Variants in COL6A6 observed in about 807,000 individuals in gnomAD.
COL6A6 encodes collagen alpha-6(VI) chain.
Under a neutral mutation model 208.6 loss-of-function variants are expected in COL6A6, and 183 were observed. The ratio of observed to expected loss-of-function variants is 0.88; its 90% confidence interval spans 0.78 to 0.99. COL6A6 has a LOEUF of 0.99. Among genes scored for constraint, COL6A6 ranks in the 50% least tolerant of loss-of-function variants. The probability of loss-of-function intolerance (pLI) is 0.00; values close to 1 mark genes in which losing one functional copy is unlikely to be tolerated. For missense variants in COL6A6, 2,816 were observed against 2,815.2 expected, an observed-to-expected ratio of 1.00 and a Z score of -0.01; for synonymous variants, 973 against 1,011.8, an observed-to-expected ratio of 0.96 and a Z score of 0.73.
At chr3:130,563,872 A>G (rs1388588122) in intron 3 of COL6A6, among the ~76,000 whole-genome samples, 1 of 152,188 alleles carries the variant, frequency 6.6e-6, no homozygotes, top group East Asian at 1.9e-4. Context: ...TGTTTCACTT[A>G]TCTGTGTTGC....
chr3:130,546,837 C>G (rs575980824), intron 1 of COL6A6, among the ~76,000 whole-genome samples: 1 of 152,184 alleles, frequency 6.6e-6, no homozygotes, highest in South Asian at 2.1e-4. Context: ...TAGCTAGACA[C>G]AAAAGTTCTT....
intron 5 of COL6A6, 93 bp downstream of exon 5, chr3:130,567,355 A>C: frequency 1.0e-6 from 1 of 973,906 alleles, no homozygotes; most frequent in Non-Finnish European, 1.5e-6. Context: ...AACAACATAA[A>C]TTACTAAGTT....
chr3:130,547,468 G>A (rs1009401141), intron 1 of COL6A6, among the ~76,000 whole-genome samples: 4 of 152,224 alleles, frequency 2.6e-5, no homozygotes, highest in Admixed American at 1.3e-4. Context: ...TGCAAGCAGA[G>A]GGAGCCGGCT....
intron 8 of COL6A6, among the ~76,000 whole-genome samples, chr3:130,578,432 G>A (rs552109661): frequency 2.6e-5 from 4 of 152,270 alleles, no homozygotes; most frequent in East Asian, 3.9e-4. Flanking sequence ...TGCAGTCCCA[G>A]GGAAGCAAGA....
chr3:130,526,934 A>G (rs2061973617), intron 1 of COL6A6, among the ~76,000 whole-genome samples: 2 of 152,230 alleles, frequency 1.3e-5, no homozygotes, highest in Non-Finnish European at 2.9e-5. Context: ...GGATAAATAC[A>G]TAAACTAAAA....
intron 5 of COL6A6, 92 bp downstream of exon 5, chr3:130,567,354 A>T: frequency 1.0e-6 from 1 of 986,958 alleles, no homozygotes; most frequent in Non-Finnish European, 1.5e-6. Flanking sequence ...AAACAACATA[A>T]ATTACTAAGT....
chr3:130,622,203 A>ACCC lies in COL6A6; in HGVS notation c.4878+326_4878+328dup, dbSNP rs767379161. On this transcript the variant is annotated intron_variant, in intron 24 of 36. Transcript: ENST00000358511. ...CTCTCTTAATTTCCTCCCCCCGCCT[A>ACCC]CCCCCCCCTTTTTTTTTTTCCTTTC... Among the ~76,000 whole-genome samples the ACCC allele has an allele frequency of 1.1e-3, 62 of 54,304 alleles. 1 individual carries two copies. Among genetic ancestry groups the ACCC allele is most frequent in the African/African-American group, 3.0e-3 (43 of 14,370 alleles). The allele number at this position is 54,304 out of a possible 152,430, so 35.6% of individuals were successfully genotyped here.
chr3:130,589,758 T>A (rs1355268502), intron 12 of COL6A6, among the ~76,000 whole-genome samples: 1 of 152,234 alleles, frequency 6.6e-6, no homozygotes, highest in Non-Finnish European at 1.5e-5. Context: ...AAAAAGTATA[T>A]GTACCCTTAT....
chr3:130,642,917 T>C (rs768664235), intron 30 of COL6A6, 50 bp downstream of exon 30: 1 of 1,613,170 alleles, frequency 6.2e-7, no homozygotes, highest in Non-Finnish European at 8.5e-7. Flanking sequence ...CCATTCAATT[T>C]ACTTATTTTT....
At chr3:130,553,103 G>A (rs1384749314) in intron 1 of COL6A6, among the ~76,000 whole-genome samples, 1 of 152,070 alleles carries the variant, frequency 6.6e-6, no homozygotes, top group Non-Finnish European at 1.5e-5. Context: ...TGACCTGGGA[G>A]GATCTGATGA....
chr3:130,626,382 G>A, intron 24 of COL6A6, 103 bp from the exon 25 acceptor site: 1 of 862,868 alleles, frequency 1.2e-6, no homozygotes, highest in Non-Finnish European at 2.0e-6. Context: ...ACGACACACA[G>A]TTCTGGGCAC....
chr3:130,637,948 A>G (rs1391746956), intron 28 of COL6A6, among the ~76,000 whole-genome samples: 1 of 151,966 alleles, frequency 6.6e-6, no homozygotes, highest in African/African-American at 2.4e-5. Flanking sequence ...TAGAATGTTT[A>G]TCCACATCCT....
intron 1 of COL6A6, among the ~76,000 whole-genome samples, chr3:130,558,335 T>C (rs565554248): frequency 6.6e-6 from 1 of 152,212 alleles, no homozygotes; most frequent in African/African-American, 2.4e-5. Context: ...ACCCACCCCA[T>C]GCACACACAA....
rs752640859 is a variant in COL6A6, at chr3:130,592,539, A to G, written c.4273-2A>G. On this transcript the variant is annotated splice_acceptor_variant, in intron 13 of 36. Transcript: ENST00000358511. LOFTEE classifies it high-confidence loss of function. ...CTCATTTGGATATGTGCCCTTTCTC[A>G]GGGAGAAAGAGGAGCCCCTGGACCA... 7 of 1,591,600 alleles carry G rather than the reference A, an allele frequency of 4.4e-6. No individual in the cohort carries two copies. The highest frequency in any genetic ancestry group is 6.0e-6 in the Non-Finnish European group (7 of 1,165,774).
intron 31 of COL6A6, 141 bp from the exon 32 acceptor site, chr3:130,644,850 G>A (rs1421798624): frequency 1.1e-5 from 8 of 750,352 alleles, no homozygotes; most frequent in Non-Finnish European, 1.7e-5. Context: ...GACTCTGTCT[G>A]CATTTTCTCC....
rs775127378 is a variant in COL6A6 at position 130,574,526 on chromosome 3, G to A, written c.3547+1G>A. On this transcript the variant is annotated splice_donor_variant, in intron 8 of 36. Transcript: ENST00000358511. LOFTEE classifies it high-confidence loss of function. Reference sequence around the variant, plus strand: ...ATCTGTACCACAGCGGGTGAAAGCAGTAAGTATTTAGCAAGTTCTTCATTC... The same window carrying A: ...ATCTGTACCACAGCGGGTGAAAGCAATAAGTATTTAGCAAGTTCTTCATTC... 15 of 1,611,456 alleles carry A rather than the reference G, an allele frequency of 9.3e-6. No individual in the cohort carries two copies. The highest frequency in any genetic ancestry group is 1.3e-5 in the Non-Finnish European group (15 of 1,178,240).
chr3:130,590,450 A>T (rs1330336568), intron 12 of COL6A6, among the ~76,000 whole-genome samples: 2 of 129,734 alleles, frequency 1.5e-5, no homozygotes, highest in Non-Finnish European at 3.3e-5. Context: ...TCCTAATGCT[A>T]TCCCTCTCCC....
At chr3:130,530,673 A>G (rs1424156089) in intron 1 of COL6A6, among the ~76,000 whole-genome samples, 1 of 152,194 alleles carries the variant, frequency 6.6e-6, no homozygotes, top group Admixed American at 6.5e-5. Flanking sequence ...ACCTTTGGCT[A>G]GGCTGTGGGG....
At chr3:130,609,266 A>C (rs1197578232) in intron 22 of COL6A6, among the ~76,000 whole-genome samples, 1 of 152,200 alleles carries the variant, frequency 6.6e-6, no homozygotes, top group Non-Finnish European at 1.5e-5. Context: ...GTTGAACCTC[A>C]GATCTGGGAA....
Sources: allele counts gnomAD v4.1 joint callset (sites outside exome capture counted in the v4.1 genomes callset), GRCh38; gene constraint gnomAD v4.1.1; transcripts MANE v1.5; gene names NCBI Gene and HGNC (gene_info 2026-07-23, HGNC 2026-07-21).